The following GFRA2 variants were observed in gnomAD, a reference collection of about 807,000 sequenced individuals.
GFRA2 encodes GDNF family receptor alpha-2.
A neutral mutation model predicts 48.3 loss-of-function variants in GFRA2; 17 were observed. The ratio of observed to expected loss-of-function variants is 0.35; its 90% confidence interval spans 0.24 to 0.53. The LOEUF (loss-of-function observed/expected upper bound fraction) is 0.53, where lower values mean the gene tolerates loss of function less well. GFRA2 is among the 20% of genes least tolerant of loss of function. The pLI is 0.93. For synonymous variants in GFRA2, 305 were observed against 257.2 expected, an observed-to-expected ratio of 1.19 and a Z score of -1.78; for missense variants, 660 against 637.3, an observed-to-expected ratio of 1.04 and a Z score of -0.38.
intron 3 of GFRA2, 111 bp from the exon 4 acceptor site, chr8:21,751,053 C>T (rs1404411141): frequency 2.7e-6 from 2 of 748,478 alleles, no homozygotes; most frequent in Non-Finnish European, 4.4e-6. Flanking sequence ...CATGTGCCTG[C>T]TCTGTGCCTC....
At chr8:21,803,248 C>T (rs1176740456) in intron 2 of GFRA2, among the ~76,000 whole-genome samples, 2 of 152,182 alleles carry the variant, frequency 1.3e-5, no homozygotes, top group African/African-American at 2.4e-5. Flanking sequence ...GGAGAGACAA[C>T]TGAAGGGCAG....
chr8:21,735,067 C>G (rs1804383687), intron 4 of GFRA2, among the ~76,000 whole-genome samples: 1 of 152,214 alleles, frequency 6.6e-6, no homozygotes, highest in Non-Finnish European at 1.5e-5. Flanking sequence ...TGATTGATGT[C>G]TCATGTCTCC....
At chr8:21,696,111 C>G (rs1302407722) in intron 7 of GFRA2, among the ~76,000 whole-genome samples, 3 of 118,400 alleles carry the variant, frequency 2.5e-5, no homozygotes, top group African/African-American at 9.7e-5. Flanking sequence ...TCTGTCCCCT[C>G]CTCCTTTCCT....
At chr8:21,702,045 G>A (rs1342411807) in intron 7 of GFRA2, among the ~76,000 whole-genome samples, 1 of 152,190 alleles carries the variant, frequency 6.6e-6, no homozygotes, top group Non-Finnish European at 1.5e-5. Flanking sequence ...CCTGACAGAT[G>A]GCACAGCCCC....
upstream of GFRA2, among the ~76,000 whole-genome samples, chr8:21,790,521 G>T (rs1257199878): frequency 2.6e-5 from 4 of 152,232 alleles, no homozygotes; most frequent in East Asian, 7.7e-4. Context: ...CTTCCATCTT[G>T]AGGATTTAGG....
intron 7 of GFRA2, 108 bp from the exon 8 acceptor site, chr8:21,694,625 C>A: frequency 2.0e-6 from 2 of 990,266 alleles, no homozygotes; most frequent in Non-Finnish European, 1.6e-6. Context: ...CTCCGCTAAG[C>A]ACAGCCAGCG....
intron 4 of GFRA2, among the ~76,000 whole-genome samples, chr8:21,707,344 A>AACAGGTAGAAGGAGAG (rs1802798471): frequency 6.6e-6 from 1 of 152,192 alleles, no homozygotes; most frequent in Non-Finnish European, 1.5e-5. Context: ...TTGGGAAAGG[A>AACAGGTAGAAGGAGAG]ACAGGTAGAA....
At position 21,707,295 on chromosome 8, in the gene GFRA2, G is replaced by A. The variant is rs565449313; in HGVS notation, c.795-1254C>T. Among the ~76,000 whole-genome samples the A allele has an allele frequency of 8.5e-5, 13 of 152,292 alleles. No homozygotes were observed. In the South Asian group the frequency reaches 2.7e-3, roughly 32 times the overall value. ...GAAGCCATCTCCGAGTTCACCACAG[G>A]TTCAGCTCCCCTGGTTCTCCACTGG... On this transcript the variant is annotated intron_variant, in intron 4 of 8. Coordinates refer to ENST00000524240, the MANE Select transcript of GFRA2 (RefSeq NM_001495.5).
intron 4 of GFRA2, among the ~76,000 whole-genome samples, chr8:21,713,456 A>G (rs1029322509): frequency 3.3e-5 from 5 of 152,074 alleles, no homozygotes; most frequent in Non-Finnish European, 7.4e-5. Flanking sequence ...TTGGCCTCCC[A>G]AAGTGCTGGG....
At chr8:21,766,743 T>A (rs1806174488) in intron 3 of GFRA2, among the ~76,000 whole-genome samples, 1 of 3,086 alleles carries the variant, frequency 3.2e-4, no homozygotes, top group South Asian at 5.1e-3. Flanking sequence ...CCTCCCTCCC[T>A]GTCCCTCCTT....
intron 4 of GFRA2, among the ~76,000 whole-genome samples, chr8:21,726,514 G>T (rs4308719): frequency 0.22 from 33,994 of 152,080 alleles, 4,592 homozygotes; most frequent in African/African-American, 0.37. Context: ...TGTTGGCAGG[G>T]CCTTGCCTCC....
intron 2 of GFRA2, among the ~76,000 whole-genome samples, chr8:21,778,218 G>GA (rs80199606): frequency 0.18 from 27,795 of 151,998 alleles, 2,723 homozygotes; most frequent in African/African-American, 0.26. Context: ...AAGGAACAGG[G>GA]AGGAAGGACT....
chr8:21,764,701 C>A (rs567210304), intron 3 of GFRA2, among the ~76,000 whole-genome samples: 1 of 152,202 alleles, frequency 6.6e-6, no homozygotes, highest in East Asian at 1.9e-4. Flanking sequence ...CTCCTGAAAT[C>A]GCCCCTTCCT....
intron 4 of GFRA2, among the ~76,000 whole-genome samples, chr8:21,724,067 G>A (rs767156457): frequency 8.5e-5 from 13 of 152,196 alleles, no homozygotes; most frequent in Non-Finnish European, 1.3e-4. Context: ...GCCCACAGAG[G>A]AGACAATACC....
At chr8:21,740,019 C>T (rs1013760323) in intron 4 of GFRA2, among the ~76,000 whole-genome samples, 7 of 152,122 alleles carry the variant, frequency 4.6e-5, no homozygotes, top group South Asian at 2.1e-4. Flanking sequence ...GAGGACATGG[C>T]GGGTGGGACA....
At chr8:21,726,953 T>C (rs1328879152) in intron 4 of GFRA2, among the ~76,000 whole-genome samples, 1 of 152,062 alleles carries the variant, frequency 6.6e-6, no homozygotes, top group Non-Finnish European at 1.5e-5. Flanking sequence ...CGTTTCACCA[T>C]GTTGACCAGG....
chr8:21,732,613 A>T (rs986314983), intron 4 of GFRA2, among the ~76,000 whole-genome samples: 2 of 152,248 alleles, frequency 1.3e-5, no homozygotes, highest in African/African-American at 4.8e-5. Context: ...AGCACAGATC[A>T]GCCTGGTCTG....
chr8:21,712,561 G>A (rs1461153996), intron 4 of GFRA2, among the ~76,000 whole-genome samples: 16 of 150,106 alleles, frequency 1.1e-4, no homozygotes, highest in Non-Finnish European at 2.2e-4. Context: ...CATCCCAGAC[G>A]ATGGGCGGCC....
chr8:21,778,155 G>A (rs1274586732), intron 2 of GFRA2, among the ~76,000 whole-genome samples: 17 of 152,160 alleles, frequency 1.1e-4, no homozygotes, highest in Non-Finnish European at 2.4e-4. Flanking sequence ...TCCTCTCAGC[G>A]ATTCTTGCCC....
Sources: allele counts gnomAD v4.1 joint callset (sites outside exome capture counted in the v4.1 genomes callset), GRCh38; gene constraint gnomAD v4.1.1; transcripts MANE v1.5; gene names NCBI Gene and HGNC (gene_info 2026-07-23, HGNC 2026-07-21).